FYCO1: variants seen among roughly 807,000 people sequenced by gnomAD.
The protein encoded by FYCO1 is FYVE and coiled-coil domain autophagy adaptor 1.
Under a neutral mutation model 165.1 loss-of-function variants are expected in FYCO1, and 122 were observed. The ratio of observed to expected loss-of-function variants is 0.74; its 90% CI spans 0.64 to 0.86. The LOEUF (loss-of-function observed/expected upper bound fraction) is 0.86. FYCO1 is among the 40% of genes least tolerant of loss of function. The probability of loss-of-function intolerance (pLI) is 0.00; values close to 1 mark genes in which losing one functional copy is unlikely to be tolerated. For missense variants in FYCO1, 1,702 were observed against 1,810.3 expected (o/e 0.94, Z 1.09); for synonymous variants, 648 against 742.5 (o/e 0.87, Z 2.07).
At chr3:45,949,489 T>A (rs1321234927) in intron 14 of FYCO1, among the ~76,000 whole-genome samples, 1 of 151,896 alleles carries the variant, frequency 6.6e-6, no homozygotes, top group African/African-American at 2.4e-5. Context: ...TGCAGAAAGG[T>A]GTGATGAGAA....
At chr3:45,955,476 G>C in intron 13 of FYCO1, 83 bp from the exon 14 acceptor site, 1 of 1,495,340 alleles carries the variant, frequency 6.7e-7, no homozygotes. Context: ...GGGAAAGTGA[G>C]AGAGTGCAGC....
At chr3:45,955,439 T>C in intron 13 of FYCO1, 46 bp from the exon 14 acceptor site, 1 of 1,611,172 alleles carries the variant, frequency 6.2e-7, no homozygotes, top group Non-Finnish European at 8.5e-7. Flanking sequence ...CAACACACTG[T>C]TATGCATAGG....
rs772339213 is a variant in FYCO1 at position 45,958,605 on chromosome 3, A to T, written c.3602T>A (p.Ile1201Asn). 1 of 1,614,240 alleles carries T rather than the reference A, an allele frequency of 6.2e-7. No homozygotes were observed. Among genetic ancestry groups the T allele is most frequent in the South Asian group, 1.1e-5 (1 of 91,088 alleles). The change falls in exon 13 of 18, where the codon ATC becomes AAC. Residue 1201 changes from isoleucine to asparagine, a missense_variant. Transcript: ENST00000296137. ...RRHHCRICGR[I>N]FCYYCCNNYV... ...GTTGTTGCAGCAGTAGTAACAGAAG[A>T]TGCGGCCACATATCCTGGGAACAAA... is the stretch of plus-strand genomic sequence containing the variant.
At chr3:45,975,526 T>C (rs1163784319) in intron 4 of FYCO1, among the ~76,000 whole-genome samples, 181 bp from the exon 5 acceptor site, 2 of 152,236 alleles carry the variant, frequency 1.3e-5, no homozygotes, top group African/African-American at 4.8e-5. Context: ...AGAGTAAGGC[T>C]TGAAGTGGGT....
At chr3:45,969,801 A>T in intron 6 of FYCO1, 36 bp from the exon 7 acceptor site, 1 of 1,580,230 alleles carries the variant, frequency 6.3e-7, no homozygotes, top group Non-Finnish European at 8.7e-7. Context: ...CTGTATTCAG[A>T]GCAGGAAACC....
At chr3:45,953,274 T>G (rs146400176) in intron 14 of FYCO1, among the ~76,000 whole-genome samples, 16 of 152,288 alleles carry the variant, frequency 1.1e-4, no homozygotes, top group Non-Finnish European at 1.6e-4. Flanking sequence ...GATCTCAATG[T>G]TGAGGCAGGA....
chr3:45,923,814 C>G (rs1703198943), intron 16 of FYCO1, 49 bp from the exon 17 acceptor site: 1 of 1,202,688 alleles, frequency 8.3e-7, no homozygotes, highest in East Asian at 2.3e-5. Flanking sequence ...CTGAGAGGGC[C>G]CTCGGCATCC....
intron 6 of FYCO1, 60 bp from the exon 7 acceptor site, chr3:45,969,825 C>T: frequency 7.0e-7 from 1 of 1,421,862 alleles, no homozygotes; most frequent in South Asian, 1.2e-5. Flanking sequence ...CACATGGAGG[C>T]CTTGCTGGTC....
chr3:45,983,434 A>T (rs148126274), intron 2 of FYCO1, among the ~76,000 whole-genome samples: 1 of 152,348 alleles, frequency 6.6e-6, no homozygotes, highest in Non-Finnish European at 1.5e-5. Flanking sequence ...ACCTTTCAAG[A>T]ATTCCCACCA....
intron 14 of FYCO1, among the ~76,000 whole-genome samples, chr3:45,949,528 T>C (rs1253239499): frequency 9.9e-5 from 15 of 152,066 alleles, no homozygotes; most frequent in East Asian, 1.9e-4. Flanking sequence ...TCTGACAGTG[T>C]TCAGTGACAG....
intron 14 of FYCO1, among the ~76,000 whole-genome samples, chr3:45,950,439 TA>T (rs1416863944): frequency 7.2e-5 from 11 of 152,130 alleles, no homozygotes; most frequent in African/African-American, 2.2e-4. Context: ...GTGTCCTCCG[TA>T]GGTGTTCTGG....
intron 1 of FYCO1, among the ~76,000 whole-genome samples, chr3:45,986,825 G>C (rs1351843228): frequency 1.3e-5 from 2 of 152,194 alleles, no homozygotes; most frequent in African/African-American, 4.8e-5. Context: ...GCCCTAGAGA[G>C]AGCCAGAGAG....
At position 45,921,681 on chromosome 3, in the gene FYCO1, G is replaced by C; in HGVS notation, c.*84C>G. ...CTGAGTTGATGATTTTGGAGCAGCT[G>C]ACTTTTTAAAAAAATGCTTTATGTG... On this transcript the variant is annotated 3_prime_UTR_variant, in exon 18 of 18. Coordinates refer to ENST00000296137, the MANE Select transcript of FYCO1 (RefSeq NM_024513.4). The C allele has an allele frequency of 1.0e-6, 1 of 968,928 alleles. No individual in the cohort carries two copies. Among genetic ancestry groups the C allele is most frequent in the East Asian group, 2.5e-5 (1 of 40,396 alleles). The allele number at this position is 968,928 out of a possible 1,614,324, so 60.0% of individuals were successfully genotyped here. A position where few individuals can be genotyped will look rare whatever the true frequency, so the allele number is the denominator to read the frequency against.
intron 13 of FYCO1, among the ~76,000 whole-genome samples, chr3:45,957,642 C>A (rs1188411676): frequency 6.6e-6 from 1 of 152,264 alleles, no homozygotes; most frequent in Admixed American, 6.5e-5. Flanking sequence ...CCATCCTTGT[C>A]AGTTCTTTGT....
chr3:45,966,484 T>C lies in FYCO1; in HGVS notation c.2850A>G (p.Gln950=). ...ASREREGLER[Q]VAGLQQEKES... is the part of the protein sequence containing the mutation. ...CCTTCTCTTGCTGCAGCCCAGCTAC[T>C]TGGCGCTCCAGGCCCTCTCGCTCCC... Residue 950 remains glutamine (Q), a synonymous_variant, in exon 8 of 18, where the codon CAA becomes CAG. Transcript: ENST00000296137. The C allele has an allele frequency of 6.2e-7, 1 of 1,610,496 alleles. No individual in the cohort carries two copies. The highest frequency in any genetic ancestry group is 8.5e-7 in the Non-Finnish European group (1 of 1,177,042).
At chr3:45,950,357 C>G (rs1704929198) in intron 14 of FYCO1, among the ~76,000 whole-genome samples, 1 of 152,130 alleles carries the variant, frequency 6.6e-6, no homozygotes, top group Non-Finnish European at 1.5e-5. Flanking sequence ...CCACTAATGG[C>G]CACATCATCT....
At chr3:45,979,258 G>A (rs1045225035) in intron 4 of FYCO1, among the ~76,000 whole-genome samples, 7 of 152,224 alleles carry the variant, frequency 4.6e-5, no homozygotes, top group Non-Finnish European at 1.0e-4. Flanking sequence ...TTTAAGAAAT[G>A]TCTCTTGAGA....
intron 3 of FYCO1, among the ~76,000 whole-genome samples, chr3:45,980,804 C>A (rs944474950): frequency 1.3e-5 from 2 of 152,056 alleles, no homozygotes; most frequent in Non-Finnish European, 2.9e-5. Flanking sequence ...ATTAGGATAT[C>A]TAGATAAAAC....
Position 45,967,643 on chromosome 3 carries a change from A to G in FYCO1, c.1691T>C (p.Leu564Pro). 6.2e-7 allele frequency: 1 copy of G among 1,613,372 alleles called. No individual in the cohort carries two copies. The highest frequency in any genetic ancestry group is 8.5e-7 in the Non-Finnish European group (1 of 1,179,976). Residue 564 changes from leucine (L) to proline (P), a missense_variant, in exon 8 of 18, where the codon CTG becomes CCG. Coordinates refer to ENST00000296137, the MANE Select transcript of FYCO1 (RefSeq NM_024513.4). The part of the protein sequence containing the change: ...ERLAGPPGPE[L>P]PVAGEKNEAL... ...CTCATTCTTCTCACCTGCCACTGGC[A>G]GTTCTGGGCCAGGCGGCCCAGCAAG...
Sources: gnomAD v4.1 joint callset for allele counts (sites outside exome capture counted in the v4.1 genomes callset) on GRCh38, gnomAD v4.1.1 for gene constraint, MANE v1.5 for transcripts, NCBI Gene and HGNC (gene_info 2026-07-23, HGNC 2026-07-21) for gene names.